Variants in STK32B observed in about 807,000 individuals in gnomAD.
The protein encoded by STK32B is serine/threonine kinase 32B.
STK32B carries 43 observed loss-of-function variants against 52.6 expected under a neutral mutation model. That is an observed-to-expected ratio of 0.82 (90% CI 0.64 to 1.05). STK32B has a LOEUF of 1.05. Ranked by LOEUF, STK32B falls within the 50% of genes least tolerant of loss-of-function variation. The pLI is 0.00. For synonymous variants in STK32B, 238 were observed against 204.3 expected, an observed-to-expected ratio of 1.17 and a Z score of -1.41; for missense variants, 621 against 534.6, an observed-to-expected ratio of 1.16 and a Z score of -1.59.
chr4:5,310,347 C>T (rs1400625946), intron 3 of STK32B, among the ~76,000 whole-genome samples: 1 of 152,028 alleles, frequency 6.6e-6, no homozygotes, highest in Non-Finnish European at 1.5e-5. Flanking sequence ...CAGCAAAAAA[C>T]AAGCAAAGAA....
chr4:5,237,688 A>G (rs16836933), intron 3 of STK32B, among the ~76,000 whole-genome samples: 316 of 152,306 alleles, frequency 2.1e-3, no homozygotes, highest in African/African-American at 7.2e-3. Flanking sequence ...GTCCACAGAG[A>G]TGCATATAGC....
intron 3 of STK32B, among the ~76,000 whole-genome samples, chr4:5,224,751 CAA>C (rs1723759493): frequency 1.3e-5 from 2 of 151,980 alleles, no homozygotes; most frequent in Admixed American, 6.5e-5. Flanking sequence ...ATATTAATGA[CAA>C]ATAATATATG....
chr4:5,040,694 T>C, the STK32B span, among the ~76,000 whole-genome samples: 1 of 152,044 alleles, frequency 6.6e-6, no homozygotes, highest in Non-Finnish European at 1.5e-5. Flanking sequence ...GGCCAAGCAG[T>C]AGAACTTTTA....
chr4:5,317,079 T>C (rs1459397643), intron 3 of STK32B, among the ~76,000 whole-genome samples: 2 of 25,506 alleles, frequency 7.8e-5, no homozygotes, highest in Non-Finnish European at 1.0e-4. Flanking sequence ...TATTATATAT[T>C]ATATATATAA....
At chr4:5,104,334 A>G (rs1409300316) in intron 1 of STK32B, among the ~76,000 whole-genome samples, 1 of 152,160 alleles carries the variant, frequency 6.6e-6, no homozygotes, top group Admixed American at 6.5e-5. Context: ...ATCTTCCACC[A>G]TGATTGTGAA....
intron 3 of STK32B, among the ~76,000 whole-genome samples, chr4:5,299,426 C>G (rs527719282): frequency 6.6e-6 from 1 of 151,852 alleles, no homozygotes; most frequent in African/African-American, 2.4e-5. Context: ...TTTTTTTAAT[C>G]CATCTTTAGT....
At chr4:5,033,125 A>G in the STK32B span, among the ~76,000 whole-genome samples, 1 of 152,070 alleles carries the variant, frequency 6.6e-6, no homozygotes, top group Non-Finnish European at 1.5e-5. Context: ...CCAACCACCA[A>G]ACACCCCACA....
intron 4 of STK32B, among the ~76,000 whole-genome samples, chr4:5,366,531 T>G (rs1734891721): frequency 6.6e-6 from 1 of 152,176 alleles, no homozygotes; most frequent in Non-Finnish European, 1.5e-5. Flanking sequence ...TTCTGGATGC[T>G]TTGGAGGTGC....
intron 6 of STK32B, among the ~76,000 whole-genome samples, chr4:5,419,493 CT>C (rs1712447605): frequency 6.6e-6 from 1 of 152,222 alleles, no homozygotes; most frequent in African/African-American, 2.4e-5. Context: ...TTCAATGCCC[CT>C]GATACTAGAC....
chr4:5,133,016 T>C (rs1200974322), intron 1 of STK32B, among the ~76,000 whole-genome samples: 1 of 152,202 alleles, frequency 6.6e-6, no homozygotes, highest in Admixed American at 6.5e-5. Context: ...CTAGGCTGGC[T>C]GGAACCCCTG....
chr4:5,456,994 C>G, intron 8 of STK32B, 71 bp downstream of exon 8: 4 of 1,133,850 alleles, frequency 3.5e-6, no homozygotes, highest in Non-Finnish European at 4.9e-6. Context: ...TATCAGCAAA[C>G]GAAGGGGTGA....
intron 3 of STK32B, among the ~76,000 whole-genome samples, chr4:5,317,555 A>ATATG (rs1483071740): frequency 2.4e-5 from 3 of 125,324 alleles, no homozygotes; most frequent in Admixed American, 1.9e-4. Context: ...ATATATATAT[A>ATATG]TATAACTTGA....
chr4:5,029,953 C>G, the STK32B span, among the ~76,000 whole-genome samples: 164 of 152,262 alleles, frequency 1.1e-3, no homozygotes, highest in African/African-American at 3.6e-3. Context: ...TTCATGAGAT[C>G]TGATGGTTTT....
chr4:5,261,015 C>G (rs1726676211), intron 3 of STK32B, among the ~76,000 whole-genome samples: 1 of 152,054 alleles, frequency 6.6e-6, no homozygotes, highest in Non-Finnish European at 1.5e-5. Context: ...CTGTGGGCTG[C>G]CCAAGGAAGG....
chr4:5,337,592 A>G (rs1450298766), intron 4 of STK32B, among the ~76,000 whole-genome samples: 1 of 152,188 alleles, frequency 6.6e-6, no homozygotes, highest in African/African-American at 2.4e-5. Context: ...AGCATGGATC[A>G]GAGACCCCGG....
At chr4:5,200,216 C>G (rs939963312) in intron 3 of STK32B, among the ~76,000 whole-genome samples, 1 of 151,728 alleles carries the variant, frequency 6.6e-6, no homozygotes. Flanking sequence ...TCAGTATATA[C>G]ACTGCCTGCT....
chr4:5,421,443 T>C (rs1456048625), intron 6 of STK32B, among the ~76,000 whole-genome samples: 2 of 152,112 alleles, frequency 1.3e-5, no homozygotes, highest in Admixed American at 6.5e-5. Context: ...CAGGCTGGTC[T>C]TGAACTCCTG....
At chr4:5,196,286 C>G (rs970157017) in intron 3 of STK32B, among the ~76,000 whole-genome samples, 3 of 143,346 alleles carry the variant, frequency 2.1e-5, no homozygotes, top group Non-Finnish European at 4.5e-5. Context: ...GCGAGGTTCT[C>G]TTCTTCTTTC....
rs1158378106 is a variant in STK32B at position 5,396,250 on chromosome 4, G to T, written c.435-1957G>T. On this transcript the variant is annotated intron_variant, in intron 4 of 11. Transcript: ENST00000282908. The surrounding 1 kb of genome is among the most constrained non-coding windows in gnomAD (Gnocchi z 4.7). ...CCCTGGCCTGTTCCAGCTCCAGGTG[G>T]CTCCAGGCGTTTCTGGTTCATGGCT... 6.6e-6 allele frequency among the ~76,000 whole-genome samples: 1 copy of T among 152,108 alleles called. No homozygotes were observed. The highest frequency in any genetic ancestry group is 2.4e-5 in the African/African-American group (1 of 41,416).
Sources: gnomAD v4.1 joint callset for allele counts (sites outside exome capture counted in the v4.1 genomes callset) on GRCh38, gnomAD v4.1.1 for gene constraint, Gnocchi (gnomAD v3.1) non-coding constraint, MANE v1.5 for transcripts, NCBI Gene and HGNC (gene_info 2026-07-23, HGNC 2026-07-21) for gene names.